CMTM8: variants seen among roughly 807,000 people sequenced by gnomAD.
CMTM8 encodes CKLF like MARVEL transmembrane domain containing 8.
Under a neutral mutation model 18.6 loss-of-function variants are expected in CMTM8, and 12 were observed. The observed-to-expected ratio is 0.65, with a 90% CI of 0.41 to 1.05. The LOEUF is 1.05. Ranked by LOEUF, CMTM8 falls within the 50% of genes least tolerant of loss-of-function variation. The pLI is 0.00. For missense variants in CMTM8, 217 were observed against 227.2 expected, an observed-to-expected ratio of 0.95 and a Z score of 0.29; for synonymous variants, 87 against 90.6, an observed-to-expected ratio of 0.96 and a Z score of 0.23.
chr3:32,246,494 T>C (rs914482841), intron 1 of CMTM8, among the ~76,000 whole-genome samples: 5 of 152,170 alleles, frequency 3.3e-5, no homozygotes, highest in Admixed American at 2.0e-4. Flanking sequence ...CTATAGCTTG[T>C]GGTTTTCCTG....
At chr3:32,342,130 C>G (rs1696510183) in intron 1 of CMTM8, among the ~76,000 whole-genome samples, 1 of 151,996 alleles carries the variant, frequency 6.6e-6, no homozygotes. Context: ...CGCTTGTAAT[C>G]CCAGCTACTC....
intron 1 of CMTM8, among the ~76,000 whole-genome samples, chr3:32,347,281 G>A (rs1376197739): frequency 7.7e-6 from 1 of 129,372 alleles, no homozygotes; most frequent in African/African-American, 2.8e-5. Context: ...TTTGGTTTTT[G>A]GTTTTTTTTG....
chr3:32,367,396 C>T (rs2278541), intron 2 of CMTM8, among the ~76,000 whole-genome samples: 47,259 of 152,090 alleles, frequency 0.31, 7,459 homozygotes, highest in East Asian at 0.53. Context: ...TTAAATATCC[C>T]TCCCTGTTTG....
At chr3:32,351,725 A>T (rs994280953) in intron 1 of CMTM8, among the ~76,000 whole-genome samples, 1 of 151,900 alleles carries the variant, frequency 6.6e-6, no homozygotes, top group South Asian at 2.1e-4. Context: ...AAAAAAAAAT[A>T]TGTAAAAACT....
intron 1 of CMTM8, among the ~76,000 whole-genome samples, chr3:32,334,051 C>T (rs1696333643): frequency 6.6e-6 from 1 of 151,640 alleles, no homozygotes; most frequent in Admixed American, 6.6e-5. Flanking sequence ...AATCTCAGCT[C>T]ACTGCAACCT....
chr3:32,363,041 T>C (rs1559390685), intron 2 of CMTM8, among the ~76,000 whole-genome samples: 1 of 152,116 alleles, frequency 6.6e-6, no homozygotes, highest in Non-Finnish European at 1.5e-5. Context: ...TGTGTATACT[T>C]TATAGTTTAC....
intron 1 of CMTM8, among the ~76,000 whole-genome samples, chr3:32,315,239 C>T (rs544326484): frequency 6.6e-6 from 1 of 151,962 alleles, no homozygotes; most frequent in South Asian, 2.1e-4. Context: ...AAGTGATTCT[C>T]CTGCCTCAGC....
chr3:32,302,354 A>G (rs1695637339), intron 1 of CMTM8, among the ~76,000 whole-genome samples: 1 of 152,188 alleles, frequency 6.6e-6, no homozygotes. Context: ...TTATTGGAAC[A>G]AGTAGCACAG....
chr3:32,291,905 G>C (rs1702785227), intron 1 of CMTM8, among the ~76,000 whole-genome samples: 2 of 152,110 alleles, frequency 1.3e-5, no homozygotes, highest in South Asian at 4.1e-4. Context: ...GTTGTGACTA[G>C]TTTCATGGCC....
At chr3:32,328,179 T>C (rs1232002461) in intron 1 of CMTM8, among the ~76,000 whole-genome samples, 1 of 151,942 alleles carries the variant, frequency 6.6e-6, no homozygotes, top group South Asian at 2.1e-4. Context: ...TTGCCAAGAC[T>C]AGCCTGGCCA....
At chr3:32,238,560 T>C (rs935544450), upstream of CMTM8, 1 of 154,658 alleles carries the variant, frequency 6.5e-6, no homozygotes. Context: ...CGGCGCCTTC[T>C]CCGCCGCTGG....
intron 1 of CMTM8, among the ~76,000 whole-genome samples, chr3:32,275,170 A>G (rs1296529747): frequency 6.6e-6 from 1 of 150,700 alleles, no homozygotes; most frequent in Non-Finnish European, 1.5e-5. Flanking sequence ...ACACCTGGCT[A>G]ACTTGGGTGT....
chr3:32,258,932 C>G, intron 1 of CMTM8: 1 of 315,896 alleles, frequency 3.2e-6, no homozygotes, highest in Non-Finnish European at 6.1e-6. Flanking sequence ...CCACTGCCCC[C>G]GGACAGCGTG....
chr3:32,324,056 G>A (rs1696110412), intron 1 of CMTM8, among the ~76,000 whole-genome samples: 1 of 152,168 alleles, frequency 6.6e-6, no homozygotes, highest in African/African-American at 2.4e-5. Context: ...GGAGATTGAT[G>A]GTAAACTTTG....
intron 1 of CMTM8, among the ~76,000 whole-genome samples, chr3:32,263,619 A>G (rs1702289505): frequency 6.6e-6 from 1 of 152,232 alleles, no homozygotes; most frequent in African/African-American, 2.4e-5. Context: ...TGACGAGTTG[A>G]GAGAAGAAGG....
At chr3:32,318,790 A>G (rs913006832) in intron 1 of CMTM8, among the ~76,000 whole-genome samples, 7 of 150,496 alleles carry the variant, frequency 4.7e-5, no homozygotes, top group African/African-American at 1.7e-4. Context: ...GATGGTCTCG[A>G]TCTCCTGACC....
intron 1 of CMTM8, among the ~76,000 whole-genome samples, chr3:32,275,644 CTTTTTTT>C (rs771943263): frequency 1.3e-5 from 1 of 78,110 alleles, no homozygotes; most frequent in Non-Finnish European, 2.3e-5. Flanking sequence ...CATGTACTTC[CTTTTTTT>C]TTTTTTTTTT....
At chr3:32,364,242 C>T (rs904583132) in intron 2 of CMTM8, among the ~76,000 whole-genome samples, 2 of 152,128 alleles carry the variant, frequency 1.3e-5, no homozygotes, top group Non-Finnish European at 2.9e-5. Flanking sequence ...CGGTGGCTCA[C>T]GCCTGTAATC....
intron 1 of CMTM8, among the ~76,000 whole-genome samples, chr3:32,288,583 C>G (rs1702722817): frequency 6.6e-6 from 1 of 152,074 alleles, no homozygotes; most frequent in Non-Finnish European, 1.5e-5. Flanking sequence ...TCACTGCAAC[C>G]TCCACCTTCC....
Sources: allele counts gnomAD v4.1 joint callset (sites outside exome capture counted in the v4.1 genomes callset), GRCh38; gene constraint gnomAD v4.1.1; transcripts MANE v1.5; gene names NCBI Gene and HGNC (gene_info 2026-07-23, HGNC 2026-07-21).